TNIK: variants seen among roughly 807,000 people sequenced by gnomAD.
TNIK encodes TRAF2 and NCK-interacting protein kinase.
In TNIK, 49 loss-of-function variants were observed where a neutral mutation model predicts 191.3. The ratio of observed to expected loss-of-function variants is 0.26; its 90% CI spans 0.20 to 0.32. TNIK has a LOEUF of 0.32. Among genes scored for constraint, TNIK ranks in the 10% least tolerant of loss-of-function variants. The pLI, the probability that TNIK is intolerant of heterozygous loss-of-function variation, is 1.00. For synonymous variants in TNIK, 594 were observed against 600.9 expected (o/e 0.99, Z 0.17); for missense variants, 1,155 against 1,702.3 (o/e 0.68, Z 5.66).
At chr3:171,364,484 A>G (rs1715423699) in intron 2 of TNIK, among the ~76,000 whole-genome samples, 1 of 152,236 alleles carries the variant, frequency 6.6e-6, no homozygotes, top group Admixed American at 6.5e-5. Context: ...GGGAACAAAT[A>G]TAGAAAGAAT....
At position 171,216,441 on chromosome 3, in the gene TNIK, T is replaced by C. The variant is rs142318103; in HGVS notation, c.181-5200A>G. On this transcript the variant is annotated intron_variant, in intron 3 of 32. Transcript: ENST00000436636. ...TATCTTATTAATTTTCATTTTTCTT[T>C]CAGTTCTATAGGATGGAGAAAAATC... is the stretch of plus-strand genomic sequence containing the variant. Among the ~76,000 whole-genome samples, 794 of 152,322 alleles carry C rather than the reference T, an allele frequency of 5.2e-3. 6 individuals carry two copies. Among genetic ancestry groups the C allele is most frequent in the Admixed American group, 0.013 (192 of 15,288 alleles).
At chr3:171,316,153 GTA>G (rs1354491641) in intron 2 of TNIK, among the ~76,000 whole-genome samples, 1 of 152,132 alleles carries the variant, frequency 6.6e-6, no homozygotes, top group Non-Finnish European at 1.5e-5. Flanking sequence ...CCAGAAGACT[GTA>G]AGCTCCCAGA....
chr3:171,097,927 C>G (rs1722946493), intron 22 of TNIK, among the ~76,000 whole-genome samples: 1 of 151,830 alleles, frequency 6.6e-6, no homozygotes, highest in Admixed American at 6.6e-5. Context: ...AAAATTTGAG[C>G]AACAAAATAA....
intron 2 of TNIK, among the ~76,000 whole-genome samples, chr3:171,340,152 C>G (rs1179186814): frequency 6.6e-6 from 1 of 152,082 alleles, no homozygotes; most frequent in Non-Finnish European, 1.5e-5. Context: ...AGTTACAATA[C>G]TTTACATGAA....
intron 1 of TNIK, among the ~76,000 whole-genome samples, chr3:171,373,224 C>T (rs1716764695): frequency 6.6e-6 from 1 of 152,182 alleles, no homozygotes; most frequent in Admixed American, 6.5e-5. Context: ...ATAGTGGTTG[C>T]TTCTCAGTCC....
Position 171,122,134 on chromosome 3 carries a change from TTTTA to T in TNIK, c.2120+1458_2120+1461del, listed in dbSNP as rs1727836630. Among the ~76,000 whole-genome samples, 3 of 152,346 alleles carry T rather than the reference TTTTA, an allele frequency of 2.0e-5. No homozygotes were observed. In the South Asian group the frequency reaches 6.2e-4, roughly 32 times the overall value. On this transcript the variant is annotated intron_variant, in intron 18 of 32. Transcript: ENST00000436636. ...CACTTCAGAGGGAATGGAAATGGCT[TTTTA>T]TTTGACTATATGATGGTAATTCTCT...
intron 1 of TNIK, among the ~76,000 whole-genome samples, chr3:171,450,593 A>G (rs1728053400): frequency 6.6e-6 from 1 of 152,238 alleles, no homozygotes; most frequent in African/African-American, 2.4e-5. Flanking sequence ...GCAGACAGAT[A>G]GATAAGTAGA....
intron 10 of TNIK, among the ~76,000 whole-genome samples, chr3:171,165,272 C>T (rs1734471255): frequency 6.6e-6 from 1 of 151,650 alleles, no homozygotes; most frequent in African/African-American, 2.4e-5. Context: ...AGAGACAGAG[C>T]CTGTCTCAAA....
intron 2 of TNIK, among the ~76,000 whole-genome samples, chr3:171,339,743 G>A (rs1757325652): frequency 6.6e-6 from 1 of 152,200 alleles, no homozygotes; most frequent in Non-Finnish European, 1.5e-5. Context: ...TGGATGTCCT[G>A]ATGCCAAGTG....
intron 18 of TNIK, among the ~76,000 whole-genome samples, chr3:171,120,439 G>A (rs1044948826): frequency 6.6e-6 from 1 of 150,786 alleles, no homozygotes; most frequent in African/African-American, 2.5e-5. Flanking sequence ...TCCTGCCTCA[G>A]CCTCCCAAGT....
At chr3:171,129,851 C>T (rs1729009122) in intron 15 of TNIK, among the ~76,000 whole-genome samples, 2 of 152,214 alleles carry the variant, frequency 1.3e-5, no homozygotes, top group Non-Finnish European at 1.5e-5. Context: ...ACAAGGTGCG[C>T]ACTCTAAGAT....
intron 1 of TNIK, among the ~76,000 whole-genome samples, chr3:171,390,426 C>G (rs1719328186): frequency 6.6e-6 from 1 of 152,154 alleles, no homozygotes; most frequent in African/African-American, 2.4e-5. Context: ...TTGCAGTAAC[C>G]ACCTTCGATC....
chr3:171,348,491 C>G (rs1054135840), intron 2 of TNIK, among the ~76,000 whole-genome samples: 1 of 151,970 alleles, frequency 6.6e-6, no homozygotes, highest in Non-Finnish European at 1.5e-5. Flanking sequence ...TAGATGCAGA[C>G]AGCACAGGAC....
intron 2 of TNIK, among the ~76,000 whole-genome samples, chr3:171,345,945 A>AATGG (rs1291002743): frequency 6.6e-6 from 1 of 152,272 alleles, no homozygotes; most frequent in Admixed American, 6.5e-5. Context: ...ATGAATGATG[A>AATGG]ATGGATGGAT....
chr3:171,152,662 GTGCAGATCTAC>G (rs945867523), intron 12 of TNIK, among the ~76,000 whole-genome samples: 13 of 152,148 alleles, frequency 8.5e-5, no homozygotes, highest in Non-Finnish European at 1.8e-4. Context: ...TTCACTCCAA[GTGCAGATCTAC>G]TGACTCCCTG....
chr3:171,427,451 C>T (rs544813485), intron 1 of TNIK, among the ~76,000 whole-genome samples: 84 of 152,080 alleles, frequency 5.5e-4, no homozygotes, highest in Non-Finnish European at 1.1e-3. Flanking sequence ...CTAGCTTATA[C>T]GCTTATTAAC....
At chr3:171,417,536 T>C (rs1035769160) in intron 1 of TNIK, among the ~76,000 whole-genome samples, 3 of 152,188 alleles carry the variant, frequency 2.0e-5, no homozygotes, top group Non-Finnish European at 4.4e-5. Flanking sequence ...AACTTATAGT[T>C]ATAAAAAAAA....
At chr3:171,228,295 A>G in intron 2 of TNIK, 74 bp from the exon 3 acceptor site, 1 of 1,570,668 alleles carries the variant, frequency 6.4e-7, no homozygotes, top group Non-Finnish European at 8.7e-7. Context: ...ACAATAAAGA[A>G]AAATTGCTTG....
chr3:171,135,611 A>G (rs1729884136), intron 15 of TNIK, among the ~76,000 whole-genome samples: 1 of 152,218 alleles, frequency 6.6e-6, no homozygotes, highest in Non-Finnish European at 1.5e-5. Flanking sequence ...TGAAATCCCC[A>G]AAGAATGTTC....
Sources: allele counts gnomAD v4.1 joint callset (sites outside exome capture counted in the v4.1 genomes callset), GRCh38; gene constraint gnomAD v4.1.1; transcripts MANE v1.5; gene names NCBI Gene and HGNC (gene_info 2026-07-23, HGNC 2026-07-21).